LETM2: variants seen among roughly 807,000 people sequenced by gnomAD.
The protein encoded by LETM2 is LETM1 domain-containing protein LETM2, mitochondrial.
A neutral mutation model predicts 59.6 loss-of-function variants in LETM2; 58 were observed. The observed-to-expected ratio is 0.97, with a 90% confidence interval of 0.79 to 1.21. The LOEUF is 1.21. LETM2 is among the 50% of genes most tolerant of loss of function. The pLI, the probability that LETM2 is intolerant of heterozygous loss-of-function variation, is 0.00. For missense variants in LETM2, 572 were observed against 575.7 expected (o/e 0.99, Z 0.07); for synonymous variants, 199 against 214.1 (o/e 0.93, Z 0.62).
At chr8:38,407,926 T>G in intron 10 of LETM2, 1 of 404,512 alleles carries the variant, frequency 2.5e-6, no homozygotes, top group Non-Finnish European at 4.6e-6. Flanking sequence ...AGTGGGGAGG[T>G]TGTGGGAGAG....
Position 38,406,896 on chromosome 8 carries a change from T to G in LETM2, c.1219-50T>G, listed in dbSNP as rs1813763365. On this transcript the variant is annotated intron_variant, in intron 8 of 10. Transcript: ENST00000379957. ...ATTGACTACTGTAAAAGTTTCTGGG[T>G]TTTAGGAAGAGCAGAAAGCTTATGA... 4 of 1,305,832 alleles carry G rather than the reference T, an allele frequency of 3.1e-6. No homozygotes were observed. The East Asian group carries it at 9.2e-5, about 30-fold the overall frequency. 80.9% of individuals were successfully genotyped at this position (1,305,832 alleles called of 1,614,324 possible).
chr8:38,406,330 G>A (rs1813712847), intron 8 of LETM2, among the ~76,000 whole-genome samples: 1 of 152,254 alleles, frequency 6.6e-6, no homozygotes, highest in Non-Finnish European at 1.5e-5. Context: ...GCCAGTAGCA[G>A]TGGCTCATGC....
At chr8:38,398,328 A>G (rs944638944) in intron 4 of LETM2, among the ~76,000 whole-genome samples, 1 of 152,208 alleles carries the variant, frequency 6.6e-6, no homozygotes, top group African/African-American at 2.4e-5. Context: ...GAATAGAGGA[A>G]GTGATTTATT....
At chr8:38,404,291 CG>C in intron 7 of LETM2, 101 bp from the exon 8 acceptor site, 3 of 787,036 alleles carry the variant, frequency 3.8e-6, no homozygotes, top group Non-Finnish European at 4.3e-6. Context: ...GCGGAAAGGG[CG>C]GGGGCGGTGG....
intron 5 of LETM2, 75 bp from the exon 6 acceptor site, chr8:38,400,778 T>A: frequency 7.5e-7 from 1 of 1,328,950 alleles, no homozygotes; most frequent in Non-Finnish European, 1.0e-6. Context: ...TTGATGTCTC[T>A]TTCAAATAGC....
intron 5 of LETM2, 85 bp from the exon 6 acceptor site, chr8:38,400,768 T>C (rs942129072): frequency 5.0e-6 from 6 of 1,206,438 alleles, no homozygotes; most frequent in Admixed American, 4.1e-5. Context: ...CATAAATGCT[T>C]TGATGTCTCT....
chr8:38,405,094 T>C (rs1340939397), intron 8 of LETM2, among the ~76,000 whole-genome samples: 2 of 152,244 alleles, frequency 1.3e-5, no homozygotes, highest in African/African-American at 4.8e-5. Context: ...TATTCCTTTT[T>C]CTTAACTATC....
upstream of LETM2, among the ~76,000 whole-genome samples, chr8:38,385,651 C>G (rs997652331): frequency 1.3e-5 from 2 of 152,208 alleles, no homozygotes; most frequent in African/African-American, 4.8e-5. Context: ...CCGCCTCGGC[C>G]TCCCAAAGTG....
rs1312024944 is a variant in LETM2, at chr8:38,400,273, A to G, written c.647A>G (p.Glu216Gly). Reference protein sequence around the residue: ...PSTFESESKKEEKQKKKMAVK... With the variant: ...PSTFESESKKGEKQKKKMAVK... ...AACTTTTATTCTTCTACCATTAAGG[A>G]AGAAAAACAGAAAAAGAAAATGGCT... is the stretch of plus-strand genomic sequence containing the variant. The change falls in exon 5 of 11, where the codon GAA (glutamate) becomes GGA (glycine). Residue 216 changes from glutamate to glycine, a missense_variant and splice_region_variant. Glu to Gly is a moderately conservative substitution (Grantham distance 98). Transcript: ENST00000379957. The G allele has an allele frequency of 8.1e-6, 13 of 1,605,642 alleles. No homozygotes were observed. The East Asian group carries it at 2.9e-4, about 36-fold the overall frequency.
intron 1 of LETM2, chr8:38,387,148 C>G (rs1055356624): frequency 2.6e-5 from 4 of 152,246 alleles, no homozygotes; most frequent in Admixed American, 2.6e-4. Flanking sequence ...CCTCAGGTGT[C>G]GTCTCCTGCC....
chr8:38,406,752 CAA>C, intron 8 of LETM2, 192 bp from the exon 9 acceptor site: 1 of 473,102 alleles, frequency 2.1e-6, no homozygotes, highest in Non-Finnish European at 3.8e-6. Context: ...ACTCAAAACT[CAA>C]AGAGAAATAA....
At chr8:38,397,959 G>A (rs528903185) in intron 4 of LETM2, among the ~76,000 whole-genome samples, 3 of 152,190 alleles carry the variant, frequency 2.0e-5, no homozygotes, top group Admixed American at 1.3e-4. Context: ...GGCCAACATG[G>A]TGAAACCCCA....
chr8:38,388,080 C>CTTTTTTTTT, intron 2 of LETM2, 50 bp downstream of exon 2: 1 of 889,790 alleles, frequency 1.1e-6, no homozygotes, highest in East Asian at 2.9e-5. Flanking sequence ...TCTTCTTCTT[C>CTTTTTTTTT]TTTTTTTTTT....
intron 2 of LETM2, 41 bp from the exon 3 acceptor site, chr8:38,392,501 T>C (rs767724249): frequency 7.0e-6 from 8 of 1,138,980 alleles, no homozygotes; most frequent in African/African-American, 3.1e-5. Flanking sequence ...TGCTTTGTAA[T>C]AGTATGTACT....
In LETM2 at chr8:38,401,153, TG is replaced by T. The variant is rs377079331; in HGVS notation, c.984+101del. ...GTGCAGTATTTTTTGTTTTTGTTTT[TG>T]TTTTTGAGACAAAGTCTTGCTCTGT... On this transcript the variant is annotated intron_variant, in intron 6 of 10. Coordinates refer to ENST00000379957, the MANE Select transcript of LETM2 (RefSeq NM_001286819.2). 2,322 of 1,002,372 alleles carry T rather than the reference TG, an allele frequency of 2.3e-3. 38 individuals are homozygous for T. In the African/African-American group the frequency reaches 0.034, roughly 15 times the overall value. The allele number at this position is 1,002,372 out of a possible 1,614,324, so 62.1% of individuals were successfully genotyped here.
At chr8:38,398,506 C>G (rs1045386618) in intron 4 of LETM2, among the ~76,000 whole-genome samples, 3 of 152,116 alleles carry the variant, frequency 2.0e-5, no homozygotes, top group Admixed American at 6.6e-5. Flanking sequence ...TAGCACTTAC[C>G]CATTATGCTT....
At chr8:38,405,512 G>A (rs1422387158) in intron 8 of LETM2, among the ~76,000 whole-genome samples, 4 of 152,224 alleles carry the variant, frequency 2.6e-5, no homozygotes, top group Non-Finnish European at 5.9e-5. Flanking sequence ...CCTTGGACAA[G>A]CCAAGGAAAA....
intron 6 of LETM2, among the ~76,000 whole-genome samples, chr8:38,401,391 C>CGGGTGTTGGG (rs1813213057): frequency 6.6e-6 from 1 of 152,194 alleles, no homozygotes; most frequent in Admixed American, 6.5e-5. Context: ...CCCGCCTCAG[C>CGGGTGTTGGG]CTCCCAAAGT....
rs1223968080 is a variant in LETM2 at position 38,392,961 on chromosome 8, A to C, written c.467A>C (p.His156Pro). ...VAARMVWRLL[H>P]GQVLTRRERR... is the part of the protein sequence containing the mutation. ...GCCAGAATGGTTTGGAGGCTGTTGC[A>C]TGGACAGGTCCTGACCAGACGAGAG... is the stretch of plus-strand genomic sequence containing the variant. The change falls in exon 3 of 11, where the codon CAT (histidine) becomes CCT (proline). Residue 156 changes from histidine to proline, a missense_variant. Physicochemically the swap from His to Pro is moderately conservative, Grantham distance 77. Transcript: ENST00000379957. 1 of 1,609,972 alleles carries C rather than the reference A, an allele frequency of 6.2e-7. No homozygotes were observed. Among genetic ancestry groups the C allele is most frequent in the African/African-American group, 1.3e-5 (1 of 75,074 alleles).
Sources: allele counts gnomAD v4.1 joint callset (sites outside exome capture counted in the v4.1 genomes callset), GRCh38; gene constraint gnomAD v4.1.1; transcripts MANE v1.5; gene names NCBI Gene and HGNC (gene_info 2026-07-23, HGNC 2026-07-21).